The following LHCGR variants were observed in gnomAD, a reference collection of about 807,000 sequenced individuals.
LHCGR encodes lutropin-choriogonadotropic hormone receptor.
Under a neutral mutation model 60.7 loss-of-function variants are expected in LHCGR, and 55 were observed. That is an observed-to-expected ratio of 0.91 (90% CI 0.73 to 1.13). LHCGR has a LOEUF of 1.13. Ranked by LOEUF, LHCGR falls within the 50% of genes most tolerant of loss-of-function variation. The pLI is 0.00. For missense variants in LHCGR, 862 were observed against 836.0 expected (o/e 1.03, Z -0.38); for synonymous variants, 337 against 316.5 (o/e 1.06, Z -0.69).
At chr2:48,721,654 C>T (rs1668503770) in intron 6 of LHCGR, 1 of 470,164 alleles carries the variant, frequency 2.1e-6, no homozygotes, top group East Asian at 6.9e-5. Flanking sequence ...AAAAGAGAGT[C>T]CTCTGAGATG....
chr2:48,714,188 C>G (rs1188868508), intron 6 of LHCGR, 134 bp from the exon 7 acceptor site: 1 of 699,768 alleles, frequency 1.4e-6, no homozygotes, highest in Admixed American at 2.1e-5. Context: ...CCATCATCAC[C>G]ACCACCATCA....
chr2:48,728,524 T>C (rs953270404), intron 3 of LHCGR, among the ~76,000 whole-genome samples: 25 of 152,166 alleles, frequency 1.6e-4, no homozygotes, highest in Non-Finnish European at 3.7e-4. Context: ...GGCACTAACT[T>C]GCGGTGTGAT....
intron 10 of LHCGR, among the ~76,000 whole-genome samples, chr2:48,692,754 G>A (rs1572814546): frequency 6.6e-6 from 1 of 152,190 alleles, no homozygotes; most frequent in East Asian, 1.9e-4. Flanking sequence ...AAGCCTTAGT[G>A]GCTGGCTCTA....
chr2:48,707,474 T>C (rs1369836925), intron 8 of LHCGR, among the ~76,000 whole-genome samples: 1 of 152,232 alleles, frequency 6.6e-6, no homozygotes, highest in Non-Finnish European at 1.5e-5. Context: ...GACGTTTAAG[T>C]CTGCAGAAGT....
intron 6 of LHCGR, 63 bp from the exon 7 acceptor site, chr2:48,714,117 A>AT: frequency 8.5e-7 from 1 of 1,179,120 alleles, no homozygotes. Flanking sequence ...TTGGAAACAC[A>AT]TTTTTCCTCC....
chr2:48,687,730 A>G lies in LHCGR; in HGVS notation c.2067T>C (p.Ala689=). 3 of 1,613,892 alleles carry G rather than the reference A, an allele frequency of 1.9e-6. No homozygotes were observed. Among genetic ancestry groups the G allele is most frequent in the Non-Finnish European group, 2.5e-6 (3 of 1,179,840 alleles). Residue 689 remains alanine (A), a synonymous_variant, in exon 11 of 11, where the codon GCT becomes GCC. Coordinates refer to ENST00000294954, the MANE Select transcript of LHCGR (RefSeq NM_000233.4). ...CTGTGTAGCGAGTCTTGTCTAGGAG[A>G]GCTGTACCTTGACAGTGCAATGTGG... ...KLSTLHCQGT[A]LLDKTRYTEC is the part of the protein sequence containing the mutation.
intron 1 of LHCGR, among the ~76,000 whole-genome samples, chr2:48,741,490 C>A (rs1359774761): frequency 2.0e-5 from 3 of 152,144 alleles, no homozygotes; most frequent in Non-Finnish European, 2.9e-5. Flanking sequence ...AACAGCAGAT[C>A]TCTCGGCAGA....
rs1670168989 is a variant in LHCGR, at chr2:48,755,538, G to A, written c.134C>T (p.Pro45Leu). Residue 45 changes from proline to leucine, a missense_variant, in exon 1 of 11, where the codon CCC (proline) becomes CTC (leucine). By Grantham distance (98) the Pro-to-Leu change is moderately conservative. Coordinates refer to ENST00000294954, the MANE Select transcript of LHCGR (RefSeq NM_000233.4). ...TCGAGTGAGACCGGCCGTGGGGCCG[G>A]GGCAGCGCAGGGCGCCGTCGGGCAC... ...NCVPDGALRC[P>L]GPTAGLTRLS... 6.5e-7 allele frequency: 1 copy of A among 1,541,590 alleles called. No homozygotes were observed. The highest frequency in any genetic ancestry group is 8.7e-7 in the Non-Finnish European group (1 of 1,144,592).
Position 48,739,316 on chromosome 2 carries a change from A to G in LHCGR, c.162-8018T>C, listed in dbSNP as rs188988428. 4.5e-3 allele frequency among the ~76,000 whole-genome samples: 691 copies of G among 152,366 alleles called. 4 individuals carry two copies. The highest frequency in any genetic ancestry group is 6.2e-3 in the Non-Finnish European group (423 of 68,040). ...AGCCAGCCATCCCATTACTGGGTATATACCCAAAGGATTATAAAACATGCT... is the reference window on the plus strand; with the variant it reads ...AGCCAGCCATCCCATTACTGGGTATGTACCCAAAGGATTATAAAACATGCT... On this transcript the variant is annotated intron_variant, in intron 1 of 10. Coordinates refer to ENST00000294954, the MANE Select transcript of LHCGR (RefSeq NM_000233.4).
At chr2:48,704,320 T>C (rs1401714044) in intron 8 of LHCGR, among the ~76,000 whole-genome samples, 2 of 152,254 alleles carry the variant, frequency 1.3e-5, no homozygotes, top group Non-Finnish European at 2.9e-5. Context: ...TTCGCATCGA[T>C]GTTCATCAGG....
At chr2:48,729,491 C>T (rs527723361) in intron 2 of LHCGR, among the ~76,000 whole-genome samples, 1 of 152,280 alleles carries the variant, frequency 6.6e-6, no homozygotes, top group African/African-American at 2.4e-5. Flanking sequence ...TCTTATTTAT[C>T]TCTGACTCAG....
chr2:48,699,148 A>G (rs1398473915), intron 8 of LHCGR, among the ~76,000 whole-genome samples: 1 of 152,082 alleles, frequency 6.6e-6, no homozygotes, highest in Non-Finnish European at 1.5e-5. Flanking sequence ...TTATTCAGAG[A>G]ATGAAACCTC....
In LHCGR at chr2:48,688,628, T is replaced by C. The variant is rs549696399; in HGVS notation, c.1169A>G (p.Lys390Arg). 94 of 1,614,014 alleles carry C rather than the reference T, an allele frequency of 5.8e-5. No individual in the cohort carries two copies. The Admixed American group carries it at 1.5e-3, about 26-fold the overall frequency. The change falls in exon 11 of 11, where the codon AAA becomes AGA. Residue 390 changes from lysine (K) to arginine (R), a missense_variant. Lys to Arg is a conservative substitution (Grantham distance 26). Coordinates refer to ENST00000294954, the MANE Select transcript of LHCGR (RefSeq NM_000233.4). This position sits in a 1 kb window ranked among gnomAD's most constrained non-coding sequence, Gnocchi z 5.2. ...CATGAGAAAACGAGGCACTGTAAGT[T>C]TGTAACGACTTGTCAGGAGAACAAA... Reference protein sequence around the residue: ...VLFVLLTSRYKLTVPRFLMCN... With the variant: ...VLFVLLTSRYRLTVPRFLMCN...
chr2:48,746,328 C>T (rs748255886), intron 1 of LHCGR, among the ~76,000 whole-genome samples: 1 of 152,136 alleles, frequency 6.6e-6, no homozygotes, highest in Non-Finnish European at 1.5e-5. Context: ...CTGATTAGGA[C>T]AACTGAGAGG....
At chr2:48,716,863 C>G (rs1352118675) in intron 6 of LHCGR, among the ~76,000 whole-genome samples, 1 of 152,222 alleles carries the variant, frequency 6.6e-6, no homozygotes, top group Non-Finnish European at 1.5e-5. Context: ...CCTCCATCCA[C>G]TGAATTAGAA....
At chr2:48,745,536 G>A (rs979189003) in intron 1 of LHCGR, among the ~76,000 whole-genome samples, 11 of 152,030 alleles carry the variant, frequency 7.2e-5, no homozygotes, top group South Asian at 4.2e-4. Context: ...ATGAGTTCAC[G>A]TCCTTTGTAG....
chr2:48,718,263 A>C (rs1469289881), intron 6 of LHCGR, among the ~76,000 whole-genome samples: 1 of 152,162 alleles, frequency 6.6e-6, no homozygotes, highest in Non-Finnish European at 1.5e-5. Context: ...CTCTACTCAA[A>C]TGTCAGTAAT....
intron 6 of LHCGR, among the ~76,000 whole-genome samples, chr2:48,719,725 G>A (rs551926360): frequency 2.6e-5 from 4 of 152,166 alleles, no homozygotes; most frequent in Non-Finnish European, 5.9e-5. Flanking sequence ...CATTAAATGA[G>A]CTCACAGTTG....
chr2:48,746,422 G>C (rs530060200), intron 1 of LHCGR, among the ~76,000 whole-genome samples: 36 of 152,272 alleles, frequency 2.4e-4, no homozygotes, highest in African/African-American at 8.4e-4. Flanking sequence ...TTTAAGAAGT[G>C]ATAAAGAACA....
Sources: allele counts gnomAD v4.1 joint callset (sites outside exome capture counted in the v4.1 genomes callset), GRCh38; gene constraint gnomAD v4.1.1; non-coding constraint Gnocchi (gnomAD v3.1); transcripts MANE v1.5; gene names NCBI Gene and HGNC (gene_info 2026-07-23, HGNC 2026-07-21).